Variants in STARD9 observed in about 807,000 individuals in gnomAD.
STARD9 encodes stAR-related lipid transfer protein 9.
A neutral mutation model predicts 399.8 loss-of-function variants in STARD9; 346 were observed. That is an observed-to-expected ratio of 0.87 (90% confidence interval 0.79 to 0.95). The LOEUF (loss-of-function observed/expected upper bound fraction) is 0.95, where lower values mean the gene tolerates loss of function less well. Among genes scored for constraint, STARD9 ranks in the 40% least tolerant of loss-of-function variants. The pLI, the probability that STARD9 is intolerant of heterozygous loss-of-function variation, is 0.00. For missense variants in STARD9, 5,832 were observed against 5,667.5 expected, an observed-to-expected ratio of 1.03 and a Z score of -0.93; for synonymous variants, 2,203 against 2,143.5, an observed-to-expected ratio of 1.03 and a Z score of -0.77.
At chr15:42,598,000 ATGTGTGTGTGTGTGTGTGTGTG>A (rs572054615) in intron 3 of STARD9, among the ~76,000 whole-genome samples, 1 of 115,110 alleles carries the variant, frequency 8.7e-6, no homozygotes, top group South Asian at 3.1e-4. Context: ...GTATATATAT[ATGTGTGTGTGTGTGTGTGTGTG>A]TGTGTGTGTG....
At chr15:42,582,498 A>C (rs2058194987) in intron 1 of STARD9, among the ~76,000 whole-genome samples, 1 of 152,224 alleles carries the variant, frequency 6.6e-6, no homozygotes, top group South Asian at 2.1e-4. Context: ...ACATAACTGC[A>C]ACATAGGAAG....
intron 3 of STARD9, among the ~76,000 whole-genome samples, chr15:42,617,480 A>C (rs1033895507): frequency 6.6e-6 from 1 of 151,934 alleles, no homozygotes; most frequent in Non-Finnish European, 1.5e-5. Flanking sequence ...CTCCTGCCTC[A>C]GTCTCCCGAG....
At position 42,590,659 on chromosome 15, in the gene STARD9, C is replaced by G. The variant is rs1323499481; in HGVS notation, c.234+5022C>G. Among the ~76,000 whole-genome samples, 4 of 152,308 alleles carry G rather than the reference C, an allele frequency of 2.6e-5. No individual in the cohort carries two copies. The South Asian group carries it at 8.3e-4, about 32-fold the overall frequency. ...GAGGTTTATTTGGCTCACAATTCTG[C>G]AGGCTTTATAGAAAGTATTGTGCCA... On this transcript the variant is annotated intron_variant, in intron 3 of 32. Transcript: ENST00000290607.
rs62019359 is a variant in STARD9 at position 42,684,508 on chromosome 15, C to T, written c.2930C>T (p.Ala977Val). ...IFTSTTQTRGAKGLADPSHTQ... is the reference protein window; with the variant it reads ...IFTSTTQTRGVKGLADPSHTQ... Reference sequence around the variant, plus strand: ...ACCTCTACTACCCAGACCAGAGGGGCGAAGGGACTAGCAGACCCTAGCCAC... The same window carrying T: ...ACCTCTACTACCCAGACCAGAGGGGTGAAGGGACTAGCAGACCCTAGCCAC... Residue 977 changes from alanine to valine, a missense_variant, in exon 23 of 33, where the codon GCG becomes GTG. By Grantham distance (64) the Ala-to-Val change is moderately conservative (BLOSUM62 0). Transcript: ENST00000290607. The T allele has an allele frequency of 0.027, 40,982 of 1,537,090 alleles. 626 individuals carry two copies. Among genetic ancestry groups the T allele is most frequent in the Admixed American group, 0.035 (1,771 of 51,002 alleles).
intron 3 of STARD9, 69 bp downstream of exon 3, chr15:42,585,706 A>G: frequency 2.0e-6 from 2 of 1,025,256 alleles, no homozygotes; most frequent in Non-Finnish European, 2.9e-6. Context: ...GATGTTTATT[A>G]TAAAGATACT....
chr15:42,655,532 A>G (rs2059849609), intron 9 of STARD9, among the ~76,000 whole-genome samples: 1 of 152,224 alleles, frequency 6.6e-6, no homozygotes, highest in Non-Finnish European at 1.5e-5. Flanking sequence ...TTGGCAAGCC[A>G]CATGTAAGAG....
rs1377036813 is a variant in STARD9 at position 42,705,558 on chromosome 15, C to T, written c.13284+9678C>T. 3.9e-5 allele frequency among the ~76,000 whole-genome samples: 6 copies of T among 151,972 alleles called. No individual in the cohort carries two copies. The East Asian group carries it at 9.8e-4, about 25-fold the overall frequency. ...AAGCGATTCTTCCTGGCTCAGCACT[C>T]CGAGTACCTGGGACTACAGGCATGC... On this transcript the variant is annotated intron_variant, in intron 26 of 32. Coordinates refer to ENST00000290607, the MANE Select transcript of STARD9 (RefSeq NM_020759.3).
rs745363025 is a variant in STARD9, at chr15:42,695,249, C to T, written c.13072C>T (p.Arg4358Ter). The T allele has an allele frequency of 1.2e-5, 19 of 1,537,020 alleles. No individual in the cohort carries two copies. The highest frequency in any genetic ancestry group is 7.1e-5 in the South Asian group (6 of 84,056). Residue 4358 changes from arginine (R) to a stop codon, truncating the protein, a stop_gained, in exon 25 of 33, where the codon CGA (arginine) becomes TGA (stop). Coordinates refer to ENST00000290607, the MANE Select transcript of STARD9 (RefSeq NM_020759.3). LOFTEE classifies it high-confidence loss of function. ...EEAKVEIARA[R>*]DQLRERTEQE... ...GGCCAAGGTGGAGATTGCCCGGGCCCGAGACCAACTGCGGGAGCGGACTGA... is the reference window on the plus strand; with the variant it reads ...GGCCAAGGTGGAGATTGCCCGGGCCTGAGACCAACTGCGGGAGCGGACTGA...
chr15:42,638,938 C>G, intron 7 of STARD9, 126 bp downstream of exon 7: 1 of 509,254 alleles, frequency 2.0e-6, no homozygotes. Flanking sequence ...GTACTAGACA[C>G]TGAATATGTA....
At chr15:42,657,247 C>T (rs960515833) in intron 9 of STARD9, among the ~76,000 whole-genome samples, 3 of 151,594 alleles carry the variant, frequency 2.0e-5, no homozygotes, top group Non-Finnish European at 2.9e-5. Flanking sequence ...GTAGTCCCAG[C>T]TACTCAGAAG....
At chr15:42,596,028 G>T (rs78898799) in intron 3 of STARD9, among the ~76,000 whole-genome samples, 1 of 152,152 alleles carries the variant, frequency 6.6e-6, no homozygotes, top group Non-Finnish European at 1.5e-5. Context: ...TTTGCTGCTC[G>T]TGGCACATGA....
intron 7 of STARD9, among the ~76,000 whole-genome samples, chr15:42,645,093 T>C (rs2059621467): frequency 6.6e-6 from 1 of 152,118 alleles, no homozygotes. Context: ...TTCATGAGGG[T>C]TGGAACCAAC....
Position 42,689,418 on chromosome 15 carries a change from C to A in STARD9, c.7840C>A (p.Pro2614Thr), listed in dbSNP as rs1243801218. ...CCAGACCAGGAATGAGGGTGAAGCA[C>A]CGGGATTTCATGTGGCATCTCTATC... ...SDQTRNEGEA[P>T]GFHVASLSAE... The change falls in exon 23 of 33, where the codon CCG (proline) becomes ACG (threonine). Residue 2614 changes from proline (P) to threonine (T), a missense_variant. By Grantham distance (38) the Pro-to-Thr change is conservative. This residue lies in a region of STARD9 where 5,828 missense variants were observed against 5,651.1 expected (regional missense o/e 1.03). Transcript: ENST00000290607. 1 of 1,537,262 alleles carries A rather than the reference C, an allele frequency of 6.5e-7. No homozygotes were observed. Among genetic ancestry groups the A allele is most frequent in the African/African-American group, 1.4e-5 (1 of 73,046 alleles).
Position 42,682,132 on chromosome 15 carries a change from C to G in STARD9, c.2094C>G (p.Thr698=). The change falls in exon 22 of 33, where the codon ACC becomes ACG. Residue 698 remains threonine, a synonymous_variant. Coordinates refer to ENST00000290607, the MANE Select transcript of STARD9 (RefSeq NM_020759.3). ...AGCAGTGTCTGCTCAGAGAAGAGAC[C>G]TGGCTGGCCAGCTTGCAACAGCAGC... ...ENQQCLLREE[T]WLASLQQQQQ... 1 of 1,537,118 alleles carries G rather than the reference C, an allele frequency of 6.5e-7. No individual in the cohort carries two copies. Among genetic ancestry groups the G allele is most frequent in the Non-Finnish European group, 8.7e-7 (1 of 1,146,836 alleles).
Position 42,692,093 on chromosome 15 carries a change from A to G in STARD9, c.10515A>G (p.Leu3505=), listed in dbSNP as rs1459545157. ...GCCAGAAGCCCCAGGGGCTGACACT[A>G]TCAAATGTGGCCCGGTGCTCCAGCA... ...SCSQKPQGLT[L]SNVARCSSMD... Residue 3505 remains leucine, a synonymous_variant, in exon 23 of 33, where the codon CTA becomes CTG. Transcript: ENST00000290607. The G allele has an allele frequency of 2.0e-6, 3 of 1,537,072 alleles. No homozygotes were observed. Among genetic ancestry groups the G allele is most frequent in the Non-Finnish European group, 2.6e-6 (3 of 1,146,900 alleles).
In STARD9 at chr15:42,692,776, A is replaced by G. The variant is rs1265080473; in HGVS notation, c.11198A>G (p.Asp3733Gly). The G allele has an allele frequency of 6.5e-7, 1 of 1,537,126 alleles. No homozygotes were observed. The highest frequency in any genetic ancestry group is 8.7e-7 in the Non-Finnish European group (1 of 1,146,890). ...GATGGCTCTACTCAGACCACTGTGG[A>G]TGAGGGCAGCCAGACTGACCTCACC... is the stretch of plus-strand genomic sequence containing the variant. ...MMDGSTQTTV[D>G]EGSQTDLTLP... Residue 3733 changes from aspartate (D) to glycine (G), a missense_variant, in exon 23 of 33, where the codon GAT becomes GGT. Asp to Gly is a moderately conservative substitution (Grantham distance 94). Transcript: ENST00000290607.
chr15:42,693,372 C>T lies in STARD9; in HGVS notation c.11794C>T (p.Gln3932Ter). ...TTCAACTCACCCTGTTGAAGGCCAC[C>T]AGAAGCTTGACTCCAGCCCAGACCC... is the stretch of plus-strand genomic sequence containing the variant. Reference protein sequence around the residue: ...APSTHPVEGHQKLDSSPDPVD... With the variant: ...APSTHPVEGH Residue 3932 changes from glutamine (Q) to a stop codon, truncating the protein, a stop_gained, in exon 23 of 33, where the codon CAG becomes TAG. Coordinates refer to ENST00000290607, the MANE Select transcript of STARD9 (RefSeq NM_020759.3). LOFTEE classifies it high-confidence loss of function. 9 of 1,537,166 alleles carry T rather than the reference C, an allele frequency of 5.9e-6. No individual in the cohort carries two copies. Among genetic ancestry groups the T allele is most frequent in the Non-Finnish European group, 7.8e-6 (9 of 1,146,890 alleles).
chr15:42,606,557 G>A (rs2058727211), intron 3 of STARD9, among the ~76,000 whole-genome samples: 1 of 151,850 alleles, frequency 6.6e-6, no homozygotes, highest in African/African-American at 2.4e-5. Flanking sequence ...CTGGGCTCAA[G>A]CCACCTTCCC....
At chr15:42,674,566 A>C in intron 17 of STARD9, 75 bp downstream of exon 17, 1 of 1,374,088 alleles carries the variant, frequency 7.3e-7, no homozygotes, top group Non-Finnish European at 1.0e-6. Context: ...GAGGACTTTG[A>C]TGATGCTCTG....
Sources: gnomAD v4.1 joint callset for allele counts (sites outside exome capture counted in the v4.1 genomes callset) on GRCh38, gnomAD v4.1.1 for gene constraint, gnomAD v4.1.1 regional missense constraint, MANE v1.5 for transcripts, NCBI Gene and HGNC (gene_info 2026-07-23, HGNC 2026-07-21) for gene names.